The following CPAMD8 variants were observed in gnomAD, a reference collection of about 807,000 sequenced individuals.
CPAMD8 encodes C3 and PZP like alpha-2-macroglobulin domain containing 8, also known as C3 and PZP-like alpha-2-macroglobulin domain-containing protein 8.
CPAMD8 carries 146 observed loss-of-function variants against 224.7 expected under a neutral mutation model. The ratio of observed to expected loss-of-function variants is 0.65; its 90% CI spans 0.57 to 0.75. The LOEUF (loss-of-function observed/expected upper bound fraction) is 0.75, where lower values mean the gene tolerates loss of function less well. Ranked by LOEUF, CPAMD8 falls within the 30% of genes least tolerant of loss-of-function variation. The pLI is 0.00. For synonymous variants in CPAMD8, 966 were observed against 1,044.6 expected, an observed-to-expected ratio of 0.92 and a Z score of 1.45; for missense variants, 2,301 against 2,537.5, an observed-to-expected ratio of 0.91 and a Z score of 2.00.
intron 29 of CPAMD8, among the ~76,000 whole-genome samples, chr19:16,913,334 T>G (rs1400717429): frequency 6.6e-6 from 1 of 152,054 alleles, no homozygotes; most frequent in Non-Finnish European, 1.5e-5. Context: ...CTTTGAGAGA[T>G]AATTAGGTTT....
intron 21 of CPAMD8, among the ~76,000 whole-genome samples, chr19:16,946,381 GT>G (rs1458930680): frequency 5.5e-5 from 8 of 146,788 alleles, no homozygotes; most frequent in South Asian, 2.2e-4. Context: ...GTGGATTTGT[GT>G]GTGTGTATAT....
intron 11 of CPAMD8, among the ~76,000 whole-genome samples, chr19:16,996,556 C>A (rs144456862): frequency 6.6e-6 from 1 of 152,048 alleles, no homozygotes; most frequent in Non-Finnish European, 1.5e-5. Context: ...TGATGGCTCA[C>A]GCCTGTAACC....
chr19:17,026,495 C>G (rs1287930591), intron 1 of CPAMD8, 56 bp downstream of exon 1: 2 of 1,442,032 alleles, frequency 1.4e-6, no homozygotes, highest in African/African-American at 1.5e-5. Context: ...GAGCCAGTAC[C>G]CGCGACCCCC....
chr19:16,939,283 T>C (rs185578528), intron 22 of CPAMD8, among the ~76,000 whole-genome samples: 178 of 152,012 alleles, frequency 1.2e-3, no homozygotes, highest in African/African-American at 4.1e-3. Flanking sequence ...TCTCAGCTCA[T>C]TGAAACTTCT....
rs1348509554 is a variant in CPAMD8 at position 16,928,086 on chromosome 19, C to T, written c.3293G>A (p.Ser1098Asn). The T allele has an allele frequency of 6.2e-7, 1 of 1,614,048 alleles. No homozygotes were observed. The highest frequency in any genetic ancestry group is 8.5e-7 in the Non-Finnish European group (1 of 1,180,006). ...RIWRKMEVDE[S>N]YSEAFTLGVP... is the part of the protein sequence containing the mutation. Reference sequence around the variant, plus strand: ...CCCCAGGGTGAAGGCCTCGCTGTAGCTCTCGTCCACCTCCATCTTCCTCCA... The same window carrying T: ...CCCCAGGGTGAAGGCCTCGCTGTAGTTCTCGTCCACCTCCATCTTCCTCCA... The change falls in exon 25 of 42, where the codon AGC becomes AAC. Residue 1098 changes from serine to asparagine, a missense_variant. Around this residue, in one of 4 missense-constraint regions of CPAMD8, gnomAD observed 1,709 missense variants for 1,753.2 expected, o/e 0.97. Transcript: ENST00000443236.
At chr19:17,023,985 T>C (rs571165549) in intron 1 of CPAMD8, among the ~76,000 whole-genome samples, 3 of 152,070 alleles carry the variant, frequency 2.0e-5, no homozygotes, top group Non-Finnish European at 2.9e-5. Flanking sequence ...TAGTAACAGA[T>C]CTAAATTGAA....
At chr19:16,928,865 TG>T in intron 24 of CPAMD8, 76 bp downstream of exon 24, 2 of 1,234,634 alleles carry the variant, frequency 1.6e-6, no homozygotes, top group Non-Finnish European at 2.2e-6. Flanking sequence ...GATCAAAGCC[TG>T]GCACCAAACA....
At chr19:16,938,285 G>A in intron 23 of CPAMD8, 110 bp downstream of exon 23, 2 of 571,786 alleles carry the variant, frequency 3.5e-6, no homozygotes, top group Non-Finnish European at 3.1e-6. Context: ...GGGAAGGGCA[G>A]GTGCTCACTT....
chr19:16,928,883 A>C, intron 24 of CPAMD8, 59 bp downstream of exon 24: 2 of 1,372,158 alleles, frequency 1.5e-6, no homozygotes, highest in African/African-American at 1.4e-5. Flanking sequence ...AACAGGAAGC[A>C]GCTAGTATTG....
At position 16,970,973 on chromosome 19, in the gene CPAMD8, G is replaced by C; in HGVS notation, c.2131C>G (p.Leu711Val). 6.2e-7 allele frequency: 1 copy of C among 1,613,658 alleles called. No individual in the cohort carries two copies. The highest frequency in any genetic ancestry group is 8.5e-7 in the Non-Finnish European group (1 of 1,179,712). Residue 711 changes from leucine (L) to valine (V), a missense_variant, in exon 18 of 42, where the codon CTC (leucine) becomes GTC (valine). This residue lies in a region of CPAMD8 where 1,709 missense variants were observed against 1,753.2 expected (regional missense o/e 0.97). Transcript: ENST00000443236. Reference protein sequence around the residue: ...VSLNHRQDGGLYTDEAVPAFQ... With the variant: ...VSLNHRQDGGVYTDEAVPAFQ... ...GCGGGGACAGCCTCATCGGTGTAGA[G>C]GCCACCGTCCTGCCGGTGGTTCAGG...
intron 12 of CPAMD8, among the ~76,000 whole-genome samples, chr19:16,992,089 G>A (rs2055973688): frequency 6.6e-6 from 1 of 152,178 alleles, no homozygotes; most frequent in South Asian, 2.1e-4. Context: ...CAGGTCCACT[G>A]CCAGTTCCCA....
Position 17,000,037 on chromosome 19 carries a change from G to A in CPAMD8, c.867+377C>T, listed in dbSNP as rs80294141. Among the ~76,000 whole-genome samples, 1,379 of 152,170 alleles carry A rather than the reference G, an allele frequency of 9.1e-3. 31 individuals are homozygous for A. Among genetic ancestry groups the A allele is most frequent in the African/African-American group, 0.032 (1,319 of 41,506 alleles). On this transcript the variant is annotated intron_variant, in intron 10 of 41. Transcript: ENST00000443236. The stretch of plus-strand genomic sequence containing the variant: ...CTGTGAGGAAACACATCAAAATATC[G>A]ATAGTGGTCATGTCCACCTATTGGA...
At chr19:16,989,569 G>C in intron 13 of CPAMD8, 74 bp downstream of exon 13, 7 of 1,547,592 alleles carry the variant, frequency 4.5e-6, no homozygotes, top group Non-Finnish European at 6.1e-6. Context: ...TTACAGGCAT[G>C]AGCCACAGCA....
intron 29 of CPAMD8, 45 bp downstream of exon 29, chr19:16,914,379 T>A (rs1314116737): frequency 1.3e-6 from 2 of 1,542,056 alleles, no homozygotes; most frequent in Non-Finnish European, 1.8e-6. Flanking sequence ...CATTTGCTCC[T>A]CCAGTGCCCA....
chr19:16,946,764 T>TGC (rs1420580775), intron 21 of CPAMD8, among the ~76,000 whole-genome samples: 1 of 150,448 alleles, frequency 6.6e-6, no homozygotes, highest in African/African-American at 2.4e-5. Context: ...TTTGTGTGTG[T>TGC]GCATGTCTAC....
Position 16,989,647 on chromosome 19 carries a change from A to G in CPAMD8, c.1391T>C (p.Leu464Pro). 6.2e-7 allele frequency: 1 copy of G among 1,613,022 alleles called. No homozygotes were observed. The highest frequency in any genetic ancestry group is 2.2e-5 in the East Asian group (1 of 44,818). The change falls in exon 13 of 42, where the codon CTG becomes CCG. Residue 464 changes from leucine (L) to proline (P), a missense_variant. Coordinates refer to ENST00000443236, the MANE Select transcript of CPAMD8 (RefSeq NM_015692.5). ...GGTAGCTCCTGAAAATCTTACCTGCAGTGGGTGGGAGGGTGGCTGCAGCTG... is the reference window on the plus strand; with the variant it reads ...GGTAGCTCCTGAAAATCTTACCTGCGGTGGGTGGGAGGGTGGCTGCAGCTG... Reference protein sequence around the residue: ...YLQLQPPSHPLQVGEEAYFSV... With the variant: ...YLQLQPPSHPPQVGEEAYFSV...
At chr19:16,949,289 C>T (rs891757400) in intron 20 of CPAMD8, among the ~76,000 whole-genome samples, 4 of 152,228 alleles carry the variant, frequency 2.6e-5, no homozygotes, top group African/African-American at 4.8e-5. Context: ...CACCAGCATG[C>T]GCTCAGAGCC....
intron 13 of CPAMD8, among the ~76,000 whole-genome samples, chr19:16,983,374 G>A (rs917836842): frequency 6.6e-6 from 1 of 151,836 alleles, no homozygotes; most frequent in African/African-American, 2.4e-5. Context: ...ACTCCAGCCT[G>A]GGTGACAGAG....
At chr19:16,930,190 G>A (rs2053504049) in intron 23 of CPAMD8, among the ~76,000 whole-genome samples, 1 of 151,964 alleles carries the variant, frequency 6.6e-6, no homozygotes, top group African/African-American at 2.4e-5. Flanking sequence ...AGGAGGTGGA[G>A]GTTTCAGTGA....
Sources: allele counts gnomAD v4.1 joint callset (sites outside exome capture counted in the v4.1 genomes callset), GRCh38; gene constraint gnomAD v4.1.1; regional missense constraint gnomAD v4.1.1; transcripts MANE v1.5; gene names NCBI Gene and HGNC (gene_info 2026-07-23, HGNC 2026-07-21).